BOLL: variants seen among roughly 807,000 people sequenced by gnomAD.
The protein encoded by BOLL is boule RNA binding protein, also known as protein boule-like.
BOLL carries 23 observed loss-of-function variants against 44.4 expected under a neutral mutation model. The observed-to-expected ratio is 0.52, with a 90% CI of 0.37 to 0.73. The LOEUF (loss-of-function observed/expected upper bound fraction) is 0.73. BOLL is among the 30% of genes least tolerant of loss of function. The pLI is 0.00. For synonymous variants in BOLL, 97 were observed against 110.8 expected (o/e 0.88, Z 0.78); for missense variants, 287 against 338.3 (o/e 0.85, Z 1.19).
At chr2:197,770,842 G>C (rs1273509156) in intron 6 of BOLL, among the ~76,000 whole-genome samples, 2 of 152,106 alleles carry the variant, frequency 1.3e-5, no homozygotes, top group South Asian at 4.2e-4. Context: ...AAAAAGTCAG[G>C]AAACAACAGG....
intron 1 of BOLL, among the ~76,000 whole-genome samples, chr2:197,784,041 A>C (rs146278062): frequency 6.6e-6 from 1 of 152,020 alleles, no homozygotes; most frequent in Non-Finnish European, 1.5e-5. Flanking sequence ...ACTAAAGGAT[A>C]CTCCCTGAGA....
At chr2:197,731,284 C>T (rs1192939057) in intron 10 of BOLL, among the ~76,000 whole-genome samples, 1 of 150,416 alleles carries the variant, frequency 6.6e-6, no homozygotes. Context: ...TATATATGCA[C>T]CCAATACAGG....
intron 9 of BOLL, among the ~76,000 whole-genome samples, chr2:197,745,175 G>C (rs1687936163): frequency 6.6e-6 from 1 of 152,120 alleles, no homozygotes; most frequent in Non-Finnish European, 1.5e-5. Context: ...CAATCTGGTA[G>C]TACTGAGGGC....
rs372809620 is a variant in BOLL at position 197,766,593 on chromosome 2, A to G, written c.491T>C (p.Val164Ala). ...AGCTACCATCACAGGGGAGCTACAT[A>G]CAGAACGTGACTATAAAAGGATGGA... ...SVPPPWPSRS[V>A]CSSPVMVAQP... The change falls in exon 7 of 11, where the codon GTA becomes GCA. Residue 164 changes from valine to alanine, a missense_variant. Physicochemically the swap from Val to Ala is moderately conservative, Grantham distance 64. Transcript: ENST00000392296. 6 of 1,611,834 alleles carry G rather than the reference A, an allele frequency of 3.7e-6. No homozygotes were observed. Among genetic ancestry groups the G allele is most frequent in the Non-Finnish European group, 5.1e-6 (6 of 1,178,570 alleles).
At chr2:197,751,869 A>G (rs1034738388) in intron 9 of BOLL, among the ~76,000 whole-genome samples, 1 of 152,064 alleles carries the variant, frequency 6.6e-6, no homozygotes, top group Non-Finnish European at 1.5e-5. Flanking sequence ...TCAGGCCAAC[A>G]TCCCTAATGA....
At chr2:197,766,808 TC>T (rs1297085125) in intron 6 of BOLL, among the ~76,000 whole-genome samples, 1 of 152,052 alleles carries the variant, frequency 6.6e-6, no homozygotes, top group Non-Finnish European at 1.5e-5. Flanking sequence ...TGGTTTCATT[TC>T]CATAGTAATG....
At position 197,785,221 on chromosome 2, in the gene BOLL, G is replaced by A. The variant is rs1690016558; in HGVS notation, c.-181C>T. ...CCCCACCAAAGTGCGGGAGGGAAAA[G>A]AAGGCTAGCCAGCGAGAAATTTTGC... On this transcript the variant is annotated 5_prime_UTR_variant, in exon 1 of 11. Transcript: ENST00000392296. This position sits in a 1 kb window ranked among gnomAD's most constrained non-coding sequence, Gnocchi z 6.7. The A allele has an allele frequency of 2.0e-6, 2 of 985,792 alleles. No homozygotes were observed. Among genetic ancestry groups the A allele is most frequent in the African/African-American group, 1.7e-5 (1 of 57,246 alleles). The allele number at this position is 985,792 out of a possible 1,614,324, so 61.1% of individuals were successfully genotyped here.
At chr2:197,763,218 G>C (rs1068682) in intron 7 of BOLL, among the ~76,000 whole-genome samples, 109,757 of 152,088 alleles carry the variant, frequency 0.72, 40,692 homozygotes, top group African/African-American at 0.9. Context: ...CACGGTGGCT[G>C]ACGCCTGTAA....
At position 197,785,269 on chromosome 2, in the gene BOLL, T is replaced by C. The variant is rs1690020550; in HGVS notation, c.-229A>G. 1 of 985,278 alleles carries C rather than the reference T, an allele frequency of 1.0e-6. No homozygotes were observed. Among genetic ancestry groups the C allele is most frequent in the Non-Finnish European group, 1.2e-6 (1 of 829,724 alleles). The allele number at this position is 985,278 out of a possible 1,614,324, so 61.0% of individuals were successfully genotyped here. A position where few individuals can be genotyped will look rare whatever the true frequency, so the allele number is the denominator to read the frequency against. On this transcript the variant is annotated 5_prime_UTR_variant, in exon 1 of 11. Coordinates refer to ENST00000392296, the MANE Select transcript of BOLL (RefSeq NM_033030.6). The surrounding 1 kb of genome is among the most constrained non-coding windows in gnomAD (Gnocchi z 6.7). ...TGCCCCACAAATCCGCCAGCAGCAG[T>C]GGCGGGAAGCCTCAACGGCAGCGAC...
intron 10 of BOLL, among the ~76,000 whole-genome samples, chr2:197,740,817 G>C (rs140993146): frequency 6.6e-6 from 1 of 152,266 alleles, no homozygotes; most frequent in East Asian, 1.9e-4. Flanking sequence ...AAACAATGGT[G>C]ATGGTTGCAT....
rs534773582 is a variant in BOLL at position 197,757,777 on chromosome 2, C to T, written c.553-377G>A. Among the ~76,000 whole-genome samples, 7 of 152,172 alleles carry T rather than the reference C, an allele frequency of 4.6e-5. No homozygotes were observed. In the South Asian group the frequency reaches 1.5e-3, roughly 32 times the overall value. On this transcript the variant is annotated intron_variant, in intron 7 of 10. Transcript: ENST00000392296. The stretch of plus-strand genomic sequence containing the variant: ...ATGAGAGAAAACATGGAACTTATAT[C>T]AAGAATGTATAAAGAACTCTTACAA...
intron 1 of BOLL, among the ~76,000 whole-genome samples, chr2:197,784,350 AGGCT>A (rs1468602566): frequency 7.1e-6 from 1 of 140,560 alleles, no homozygotes; most frequent in African/African-American, 2.7e-5. Context: ...TATGCCAAAT[AGGCT>A]GAAGGCTAAA....
At chr2:197,760,218 G>C (rs1344235546) in intron 7 of BOLL, among the ~76,000 whole-genome samples, 1 of 152,164 alleles carries the variant, frequency 6.6e-6, no homozygotes, top group Non-Finnish European at 1.5e-5. Context: ...CTATGTCCCA[G>C]ACTTGAGAAA....
intron 3 of BOLL, 31 bp from the exon 4 acceptor site, chr2:197,777,144 AT>A (rs1254421251): frequency 7.3e-7 from 1 of 1,370,910 alleles, no homozygotes. Context: ...TTACTAATTA[AT>A]CATTTTCTTA....
intron 10 of BOLL, among the ~76,000 whole-genome samples, chr2:197,733,084 C>T (rs1220909016): frequency 7.0e-6 from 1 of 142,034 alleles, no homozygotes; most frequent in Non-Finnish European, 1.5e-5. Context: ...CCCAAAATCT[C>T]CTTAGGCTGA....
At chr2:197,746,630 G>A (rs1014594138) in intron 9 of BOLL, among the ~76,000 whole-genome samples, 4 of 152,102 alleles carry the variant, frequency 2.6e-5, no homozygotes, top group Admixed American at 1.3e-4. Context: ...GGCCAGGTGC[G>A]GTGGCTTATG....
intron 10 of BOLL, among the ~76,000 whole-genome samples, chr2:197,741,361 T>A (rs1687723755): frequency 6.6e-6 from 1 of 152,170 alleles, no homozygotes; most frequent in Admixed American, 6.6e-5. Flanking sequence ...AAGTTGCTTA[T>A]CAGCTTAAGG....
At chr2:197,766,671 C>A in intron 6 of BOLL, 68 bp from the exon 7 acceptor site, 1 of 1,137,050 alleles carries the variant, frequency 8.8e-7, no homozygotes, top group South Asian at 1.4e-5. Context: ...AAATTTATCT[C>A]AAATTATTAC....
chr2:197,773,562 T>C (rs1192716083), intron 5 of BOLL, among the ~76,000 whole-genome samples: 1 of 151,942 alleles, frequency 6.6e-6, no homozygotes, highest in Non-Finnish European at 1.5e-5. Context: ...AATTTCTCTC[T>C]ATATACATAT....
Sources: gnomAD v4.1 joint callset for allele counts (sites outside exome capture counted in the v4.1 genomes callset) on GRCh38, gnomAD v4.1.1 for gene constraint, Gnocchi (gnomAD v3.1) non-coding constraint, MANE v1.5 for transcripts, NCBI Gene and HGNC (gene_info 2026-07-23, HGNC 2026-07-21) for gene names.